Variants in IQCJ observed in about 807,000 individuals in gnomAD.
IQCJ encodes IQ motif containing J.
A neutral mutation model predicts 11.0 loss-of-function variants in IQCJ; 9 were observed. The observed-to-expected ratio is 0.82, with a 90% confidence interval of 0.49 to 1.43. IQCJ has a LOEUF of 1.43. IQCJ is among the 40% of genes most tolerant of loss of function. IQCJ has a pLI of 0.00. For missense variants in IQCJ, 146 were observed against 133.2 expected (o/e 1.10, Z -0.47); for synonymous variants, 55 against 51.3 (o/e 1.07, Z -0.31).
chr3:159,263,355 T>C lies in IQCJ; in HGVS notation c.*624T>C, dbSNP rs1015422930. 1.4e-6 allele frequency: 1 copy of C among 700,780 alleles called. No homozygotes were observed. The highest frequency in any genetic ancestry group is 1.3e-4 in the East Asian group (1 of 7,508). The allele number at this position is 700,780 out of a possible 1,614,324, so 43.4% of individuals were successfully genotyped here. On this transcript the variant is annotated 3_prime_UTR_variant, in exon 4 of 4. Coordinates refer to ENST00000397832, the MANE Select transcript of IQCJ (RefSeq NM_001042706.3). ...GAAAATTTAAAAGGTAAAGTAAGCA[T>C]GCCTACAGACCACAATTGACCTACA...
chr3:159,178,063 A>G (rs947503093), intron 1 of IQCJ, among the ~76,000 whole-genome samples: 1 of 152,216 alleles, frequency 6.6e-6, no homozygotes, highest in African/African-American at 2.4e-5. Context: ...AGCAAAGCAA[A>G]TATAGTTCTA....
chr3:159,206,660 A>G (rs1724672156), intron 1 of IQCJ, among the ~76,000 whole-genome samples: 1 of 152,138 alleles, frequency 6.6e-6, no homozygotes, highest in Non-Finnish European at 1.5e-5. Flanking sequence ...CACATTCCCT[A>G]AACTTGCCTT....
intron 1 of IQCJ, among the ~76,000 whole-genome samples, chr3:159,082,685 C>A (rs535541226): frequency 6.6e-6 from 1 of 152,088 alleles, no homozygotes; most frequent in Admixed American, 6.6e-5. Context: ...ATGGTGTATG[C>A]CCAGCTAAAG....
At position 159,110,579 on chromosome 3, in the gene IQCJ, G is replaced by A. The variant is rs540687054; in HGVS notation, c.9+41138G>A. On this transcript the variant is annotated intron_variant, in intron 1 of 3. Coordinates refer to ENST00000397832, the MANE Select transcript of IQCJ (RefSeq NM_001042706.3). ...ACTTGATTATTCTGTGGCCTTACACGCCCTGCCATGATAGTTGTTTACAGG... is the reference window on the plus strand; with the variant it reads ...ACTTGATTATTCTGTGGCCTTACACACCCTGCCATGATAGTTGTTTACAGG... Among the ~76,000 whole-genome samples, 13 of 151,996 alleles carry A rather than the reference G, an allele frequency of 8.6e-5. No individual in the cohort carries two copies. In the South Asian group the frequency reaches 2.1e-3, roughly 24 times the overall value.
chr3:159,182,880 G>A (rs1461259068), intron 1 of IQCJ, among the ~76,000 whole-genome samples: 1 of 150,370 alleles, frequency 6.7e-6, no homozygotes, highest in Non-Finnish European at 1.5e-5. Context: ...CCAGGGTGTG[G>A]CGCCAGGCTG....
At chr3:159,101,230 C>T (rs549290071) in intron 1 of IQCJ, among the ~76,000 whole-genome samples, 2,593 of 148,014 alleles carry the variant, frequency 0.018, 81 homozygotes, top group African/African-American at 0.062. Context: ...CTTCGGCTCG[C>T]GCACGGTGCG....
intron 1 of IQCJ, among the ~76,000 whole-genome samples, chr3:159,193,250 C>G (rs989002376): frequency 6.6e-6 from 1 of 152,158 alleles, no homozygotes; most frequent in Non-Finnish European, 1.5e-5. Flanking sequence ...CACAATTTCA[C>G]CAAGTGGGTT....
chr3:159,222,595 G>A (rs1318947659), intron 1 of IQCJ, among the ~76,000 whole-genome samples: 1 of 152,074 alleles, frequency 6.6e-6, no homozygotes, highest in Non-Finnish European at 1.5e-5. Context: ...CAGTTATGTA[G>A]GATAAATAGG....
At chr3:159,101,796 C>A (rs1181284929) in intron 1 of IQCJ, among the ~76,000 whole-genome samples, 2 of 152,194 alleles carry the variant, frequency 1.3e-5, no homozygotes, top group African/African-American at 4.8e-5. Flanking sequence ...GCCCTTAGTT[C>A]ATGCTCAGTT....
chr3:159,206,998 T>C (rs781017512), intron 1 of IQCJ, among the ~76,000 whole-genome samples: 1 of 152,242 alleles, frequency 6.6e-6, no homozygotes. Flanking sequence ...ATTTGCTGAC[T>C]CCCTAATCTA....
chr3:159,126,616 G>T (rs1346814414), intron 1 of IQCJ, among the ~76,000 whole-genome samples: 3 of 152,194 alleles, frequency 2.0e-5, no homozygotes, highest in Non-Finnish European at 4.4e-5. Flanking sequence ...ACTGAATTAA[G>T]CTGAATTGAA....
intron 1 of IQCJ, among the ~76,000 whole-genome samples, chr3:159,103,436 A>G (rs1032724869): frequency 3.3e-5 from 5 of 152,198 alleles, no homozygotes; most frequent in Non-Finnish European, 7.3e-5. Context: ...GTACTTGGTG[A>G]CTAAATTAAA....
At chr3:159,165,788 A>ATTTTTTTT (rs35878681) in intron 1 of IQCJ, among the ~76,000 whole-genome samples, 16 of 106,486 alleles carry the variant, frequency 1.5e-4, no homozygotes, top group East Asian at 2.7e-4. Context: ...TAATTTTTGT[A>ATTTTTTTT]TTTTTTTTTT....
At chr3:159,104,389 A>G (rs1043787796) in intron 1 of IQCJ, among the ~76,000 whole-genome samples, 13 of 152,264 alleles carry the variant, frequency 8.5e-5, no homozygotes, top group Admixed American at 1.3e-4. Flanking sequence ...TGTGTTCAGT[A>G]TGAGTACAGT....
chr3:159,107,202 G>A (rs1718320052), intron 1 of IQCJ, among the ~76,000 whole-genome samples: 1 of 152,112 alleles, frequency 6.6e-6, no homozygotes, highest in South Asian at 2.1e-4. Flanking sequence ...TGTAGTATTA[G>A]GAGGTAGGGC....
intron 1 of IQCJ, among the ~76,000 whole-genome samples, chr3:159,233,469 G>A (rs186741669): frequency 1.4e-3 from 211 of 152,256 alleles, no homozygotes; most frequent in African/African-American, 4.7e-3. Flanking sequence ...GTGAGCCAGG[G>A]GAGGATACTT....
At position 159,114,185 on chromosome 3, in the gene IQCJ, T is replaced by C. The variant is rs1176610104; in HGVS notation, c.9+44744T>C. The stretch of plus-strand genomic sequence containing the variant: ...GCATTGTCTGCATGCACTGGGTGTC[T>C]AGGCAATCTTCCCATAGGAACAGTG... On this transcript the variant is annotated intron_variant, in intron 1 of 3. Transcript: ENST00000397832. Among the ~76,000 whole-genome samples, 20 of 152,186 alleles carry C rather than the reference T, an allele frequency of 1.3e-4. 1 individual carries two copies. The highest frequency in any genetic ancestry group is 1.3e-3 in the Admixed American group (20 of 15,280).
chr3:159,164,936 A>C (rs1293695106), intron 1 of IQCJ, among the ~76,000 whole-genome samples: 1 of 152,158 alleles, frequency 6.6e-6, no homozygotes, highest in East Asian at 1.9e-4. Flanking sequence ...TCTTGACTTC[A>C]TGGTCTAATG....
chr3:159,104,750 G>A (rs1218228209), intron 1 of IQCJ, among the ~76,000 whole-genome samples: 2 of 152,138 alleles, frequency 1.3e-5, no homozygotes, highest in African/African-American at 4.8e-5. Flanking sequence ...CACCTAAGTA[G>A]CACTTATTAT....
Sources: gnomAD v4.1 joint callset for allele counts (sites outside exome capture counted in the v4.1 genomes callset) on GRCh38, gnomAD v4.1.1 for gene constraint, MANE v1.5 for transcripts, NCBI Gene and HGNC (gene_info 2026-07-23, HGNC 2026-07-21) for gene names.